ZNF317: variants seen among roughly 807,000 people sequenced by gnomAD.
The protein encoded by ZNF317 is KRAB-containing zinc finger protein 317.
A neutral mutation model predicts 23.4 loss-of-function variants in ZNF317; 17 were observed. The ratio of observed to expected loss-of-function variants is 0.73; its 90% CI spans 0.50 to 1.09. The LOEUF is 1.09. ZNF317 is among the 50% of genes least tolerant of loss of function. ZNF317 has a pLI of 0.00. For synonymous variants in ZNF317, 317 were observed against 314.9 expected (o/e 1.01, Z -0.07); for missense variants, 679 against 796.7 (o/e 0.85, Z 1.78).
chr19:9,141,443 T>A (rs2050628941), intron 1 of ZNF317, among the ~76,000 whole-genome samples: 1 of 152,214 alleles, frequency 6.6e-6, no homozygotes, highest in African/African-American at 2.4e-5. Context: ...GTATACATCT[T>A]TTCCAGAAAA....
chr19:9,160,021 C>A lies in ZNF317; in HGVS notation c.469-93C>A. 2 of 1,545,800 alleles carry A rather than the reference C, an allele frequency of 1.3e-6. No individual in the cohort carries two copies. Among genetic ancestry groups the A allele is most frequent in the Admixed American group, 3.5e-5 (2 of 56,960 alleles). Reference sequence around the variant, plus strand: ...CAGCTCTAGTCATAGTAATGTGCTTCTATCTGTTCATAGCAGTGTATGTGG... The same window carrying A: ...CAGCTCTAGTCATAGTAATGTGCTTATATCTGTTCATAGCAGTGTATGTGG... On this transcript the variant is annotated intron_variant, in intron 6 of 6. Transcript: ENST00000247956. The surrounding 1 kb of genome is among the most constrained non-coding windows in gnomAD (Gnocchi z 6.8).
intron 1 of ZNF317, among the ~76,000 whole-genome samples, chr19:9,148,269 GAT>G (rs2050705672): frequency 1.3e-5 from 2 of 152,230 alleles, no homozygotes; most frequent in African/African-American, 4.8e-5. Flanking sequence ...CCCTGAAAGT[GAT>G]AGAATCACTC....
At chr19:9,152,784 C>T (rs1332601321) in intron 1 of ZNF317, among the ~76,000 whole-genome samples, 1 of 152,184 alleles carries the variant, frequency 6.6e-6, no homozygotes, top group East Asian at 1.9e-4. Context: ...AAACCATCCC[C>T]CCTCACCTCA....
At chr19:9,141,847 G>GC (rs1429080541) in intron 1 of ZNF317, among the ~76,000 whole-genome samples, 4 of 152,016 alleles carry the variant, frequency 2.6e-5, no homozygotes, top group Non-Finnish European at 5.9e-5. Flanking sequence ...CACCCTTGTA[G>GC]CCCAGACTGG....
chr19:9,160,917 G>C lies in ZNF317; in HGVS notation c.1272G>C (p.Gly424=). The change falls in exon 7 of 7, where the codon GGG becomes GGC. Residue 424 remains glycine, a synonymous_variant. Coordinates refer to ENST00000247956, the MANE Select transcript of ZNF317 (RefSeq NM_020933.5). This position sits in a 1 kb window ranked among gnomAD's most constrained non-coding sequence, Gnocchi z 6.8. ...AACCCGTGGAATGTCGGCAGTGCGGGAAGACCTTCCGAAACCAGTCCATCC... is the reference window on the plus strand; with the variant it reads ...AACCCGTGGAATGTCGGCAGTGCGGCAAGACCTTCCGAAACCAGTCCATCC... ...VKKPVECRQC[G]KTFRNQSILK... 1.9e-6 allele frequency: 3 copies of C among 1,614,154 alleles called. No individual in the cohort carries two copies. Among genetic ancestry groups the C allele is most frequent in the Non-Finnish European group, 2.5e-6 (3 of 1,180,026 alleles).
Position 9,157,522 on chromosome 19 carries a change from T to G in ZNF317, c.289+128T>G, listed in dbSNP as rs933695923. 26 of 1,230,146 alleles carry G rather than the reference T, an allele frequency of 2.1e-5. No individual in the cohort carries two copies. The East Asian group carries it at 5.7e-4, about 27-fold the overall frequency. The allele number at this position is 1,230,146 out of a possible 1,614,324, so 76.2% of individuals were successfully genotyped here. ...TGTGAACAAGCAGCCCCAGCACCCA[T>G]GCTTAATGGGGCCTCTCCTGGGTAT... is the stretch of plus-strand genomic sequence containing the variant. On this transcript the variant is annotated intron_variant, in intron 4 of 6. Coordinates refer to ENST00000247956, the MANE Select transcript of ZNF317 (RefSeq NM_020933.5).
chr19:9,153,780 G>C (rs190797079), intron 1 of ZNF317, among the ~76,000 whole-genome samples: 4 of 152,126 alleles, frequency 2.6e-5, no homozygotes, highest in African/African-American at 4.8e-5. Flanking sequence ...CCACATTTTC[G>C]TGAGACTCTA....
chr19:9,156,784 G>A (rs1375052621), intron 3 of ZNF317, 36 bp downstream of exon 3: 1 of 1,602,304 alleles, frequency 6.2e-7, no homozygotes, highest in Non-Finnish European at 8.5e-7. Flanking sequence ...GAGCAGGAGA[G>A]GCACTTCCTG....
chr19:9,145,041 A>ATGTT (rs1005833014), intron 1 of ZNF317, among the ~76,000 whole-genome samples: 7 of 151,902 alleles, frequency 4.6e-5, no homozygotes, highest in African/African-American at 7.3e-5. Context: ...TGTCAGTCTA[A>ATGTT]TGTTTGTTTG....
intron 1 of ZNF317, 30 bp downstream of exon 1, chr19:9,140,622 C>A: frequency 2.2e-6 from 1 of 455,494 alleles, no homozygotes; most frequent in Non-Finnish European, 4.4e-6. Context: ...ACCCTTCTCC[C>A]CCTCAGTTCC....
intron 5 of ZNF317, among the ~76,000 whole-genome samples, 159 bp downstream of exon 5, chr19:9,158,234 A>G (rs895141048): frequency 6.8e-6 from 1 of 147,822 alleles, no homozygotes; most frequent in Non-Finnish European, 1.5e-5. Flanking sequence ...TGGTCCACAC[A>G]CTCCTTCATC....
intron 1 of ZNF317, among the ~76,000 whole-genome samples, chr19:9,145,660 A>G (rs1600222597): frequency 2.0e-5 from 3 of 152,212 alleles, no homozygotes; most frequent in African/African-American, 4.8e-5. Flanking sequence ...TACAGCCACT[A>G]TATTTTGCAG....
chr19:9,161,029 AC>A lies in ZNF317; in HGVS notation c.1386del (p.Ala463HisfsTer31). On this transcript the variant is annotated frameshift_variant, in exon 7 of 7. Coordinates refer to ENST00000247956, the MANE Select transcript of ZNF317 (RefSeq NM_020933.5). LOFTEE classifies it low-confidence loss of function (END_TRUNC). This position sits in a 1 kb window ranked among gnomAD's most constrained non-coding sequence, Gnocchi z 4.0. ...AGCTTTCAGCGCGAGTTCAAACCTC[AC>A]CGCACACAGGAAGATACACACGCAA... The part of the protein sequence containing the change: ...GKAFSASSNL[T>X]AHRKIHTQER... 1 of 1,614,204 alleles carries A rather than the reference AC, an allele frequency of 6.2e-7. No individual in the cohort carries two copies.
At position 9,160,571 on chromosome 19, in the gene ZNF317, A is replaced by G. The variant is rs1774953455; in HGVS notation, c.926A>G (p.Asp309Gly). 6.8e-6 allele frequency: 11 copies of G among 1,614,072 alleles called. No individual in the cohort carries two copies. Among genetic ancestry groups the G allele is most frequent in the Admixed American group, 1.7e-5 (1 of 60,004 alleles). ...VHTGERPYKC[D>G]QCGKAYGRSC... ...ACTGGCGAGAGGCCTTACAAGTGTG[A>G]TCAGTGCGGGAAGGCTTACGGCCGG... Residue 309 changes from aspartate to glycine, a missense_variant, in exon 7 of 7, where the codon GAT becomes GGT. Asp to Gly is a moderately conservative substitution (Grantham distance 94). Transcript: ENST00000247956. The surrounding 1 kb of genome is among the most constrained non-coding windows in gnomAD (Gnocchi z 6.8).
At chr19:9,156,843 C>G (rs1231547678) in intron 3 of ZNF317, 95 bp downstream of exon 3, 2 of 1,436,628 alleles carry the variant, frequency 1.4e-6, no homozygotes, top group Non-Finnish European at 1.9e-6. Flanking sequence ...TTCATCTCAG[C>G]CAGTGGATGC....
rs750743763 is a variant in ZNF317, at chr19:9,161,052, G to A, written c.1407G>A (p.Thr469=). Residue 469 remains threonine, a synonymous_variant, in exon 7 of 7, where the codon ACG becomes ACA. Transcript: ENST00000247956. This position sits in a 1 kb window ranked among gnomAD's most constrained non-coding sequence, Gnocchi z 4.0. ...TCACCGCACACAGGAAGATACACAC[G>A]CAAGAGAGACGCTACGAATGCGCCG... ...SNLTAHRKIH[T]QERRYECAAC... 9 of 1,614,030 alleles carry A rather than the reference G, an allele frequency of 5.6e-6. 1 individual carries two copies. Among genetic ancestry groups the A allele is most frequent in the Admixed American group, 3.3e-5 (2 of 59,994 alleles).
Position 9,161,585 on chromosome 19 carries a change from G to A in ZNF317, c.*152G>A, listed in dbSNP as rs1239717919. 4 of 1,190,528 alleles carry A rather than the reference G, an allele frequency of 3.4e-6. No homozygotes were observed. The highest frequency in any genetic ancestry group is 5.1e-5 in the Admixed American group (2 of 38,916). The allele number at this position is 1,190,528 out of a possible 1,614,324, so 73.7% of individuals were successfully genotyped here. A position where few individuals can be genotyped will look rare whatever the true frequency, so the allele number is the denominator to read the frequency against. On this transcript the variant is annotated 3_prime_UTR_variant, in exon 7 of 7. Transcript: ENST00000247956. The surrounding 1 kb of genome is among the most constrained non-coding windows in gnomAD (Gnocchi z 4.0). ...GTTCCTGTAAAAACTGGGAAGACGAGGCGTTCTCATCCCATAGGAGGTTTG... is the reference window on the plus strand; with the variant it reads ...GTTCCTGTAAAAACTGGGAAGACGAAGCGTTCTCATCCCATAGGAGGTTTG...
At chr19:9,159,772 C>A (rs931234143) in intron 6 of ZNF317, among the ~76,000 whole-genome samples, 1 of 152,018 alleles carries the variant, frequency 6.6e-6, no homozygotes, top group Non-Finnish European at 1.5e-5. Context: ...GTCTCGAACT[C>A]CTGACCTCAG....
At position 9,140,411 on chromosome 19, in the gene ZNF317, C is replaced by A. The variant is rs1241582988; in HGVS notation, c.-274C>A. On this transcript the variant is annotated 5_prime_UTR_variant, in exon 1 of 7. Coordinates refer to ENST00000247956, the MANE Select transcript of ZNF317 (RefSeq NM_020933.5). ...TGGAAGGCGGCAGTGAAGCGGAAGC[C>A]ATTACTCTCTGGAGTCGATTGCCCC... The A allele has an allele frequency of 2.4e-6, 1 of 416,610 alleles. No homozygotes were observed. Among genetic ancestry groups the A allele is most frequent in the Non-Finnish European group, 4.8e-6 (1 of 208,326 alleles). The allele number at this position is 416,610 out of a possible 1,614,324, so 25.8% of individuals were successfully genotyped here. A position where few individuals can be genotyped will look rare whatever the true frequency, so the allele number is the denominator to read the frequency against.
Sources: allele counts gnomAD v4.1 joint callset (sites outside exome capture counted in the v4.1 genomes callset), GRCh38; gene constraint gnomAD v4.1.1; non-coding constraint Gnocchi (gnomAD v3.1); transcripts MANE v1.5; gene names NCBI Gene and HGNC (gene_info 2026-07-23, HGNC 2026-07-21).